The following UNC93B1 variants were observed in gnomAD, a reference collection of about 807,000 sequenced individuals.
The protein encoded by UNC93B1 is unc-93B1 regulator of TLR signaling, also known as protein unc-93 homolog B1.
UNC93B1 carries 33 observed loss-of-function variants against 56.8 expected under a neutral mutation model. The observed-to-expected ratio is 0.58, with a 90% CI of 0.44 to 0.78. UNC93B1 has a LOEUF of 0.78. Among genes scored for constraint, UNC93B1 ranks in the 30% least tolerant of loss-of-function variants. UNC93B1 has a pLI of 0.00. For missense variants in UNC93B1, 673 were observed against 819.5 expected, an observed-to-expected ratio of 0.82 and a Z score of 2.18; for synonymous variants, 334 against 358.6, an observed-to-expected ratio of 0.93 and a Z score of 0.77.
At chr11:67,997,575 A>AC in intron 7 of UNC93B1, 100 bp downstream of exon 7, 1 of 1,566,128 alleles carries the variant, frequency 6.4e-7, no homozygotes, top group Non-Finnish European at 8.6e-7. Context: ...CCACAACCCG[A>AC]CCCAGGCCAT....
chr11:67,997,829 A>G (rs1422843964), intron 6 of UNC93B1, 30 bp from the exon 7 acceptor site: 2 of 1,596,118 alleles, frequency 1.3e-6, no homozygotes, highest in Non-Finnish European at 1.7e-6. Flanking sequence ...GGGCACCGTG[A>G]GCAGAGAGTA....
In UNC93B1 at chr11:67,998,391, A is replaced by C. The variant is rs746293143; in HGVS notation, c.749T>G (p.Leu250Arg). The C allele has an allele frequency of 6.2e-7, 1 of 1,613,986 alleles. No individual in the cohort carries two copies. Among genetic ancestry groups the C allele is most frequent in the Non-Finnish European group, 8.5e-7 (1 of 1,179,870 alleles). The change falls in exon 6 of 11, where the codon CTG becomes CGG. Residue 250 changes from leucine to arginine, a missense_variant. Leu to Arg is a moderately radical substitution (Grantham distance 102). Coordinates refer to ENST00000227471, the MANE Select transcript of UNC93B1 (RefSeq NM_030930.4). ...IYFLNHYLYD[L>R]NHTLYNVQSC... Reference sequence around the variant, plus strand: ...CTGCACATTGTACAGCGTGTGGTTCAGGTCATACAGGTAGTGGTTCAGGAA... The same window carrying C: ...CTGCACATTGTACAGCGTGTGGTTCCGGTCATACAGGTAGTGGTTCAGGAA...
rs570048787 is a variant in UNC93B1 at position 67,992,511 on chromosome 11, A to T, written c.1483-654T>A. On this transcript the variant is annotated intron_variant, in intron 10 of 10. Transcript: ENST00000227471. ...ACGCCACTACGCCCAGCTATTTTTTAAATTTTTTGTAGAGACAGGGTCTCC... is the reference window on the plus strand; with the variant it reads ...ACGCCACTACGCCCAGCTATTTTTTTAATTTTTTGTAGAGACAGGGTCTCC... Among the ~76,000 whole-genome samples the T allele has an allele frequency of 3.9e-5, 6 of 152,100 alleles. No individual in the cohort carries two copies. In the East Asian group the frequency reaches 9.7e-4, roughly 25 times the overall value.
At chr11:68,000,346 C>T (rs911953475) in intron 3 of UNC93B1, among the ~76,000 whole-genome samples, 2 of 152,230 alleles carry the variant, frequency 1.3e-5, no homozygotes, top group Non-Finnish European at 2.9e-5. Flanking sequence ...TGTGCATTCA[C>T]TGCTGGTGAG....
intron 3 of UNC93B1, among the ~76,000 whole-genome samples, chr11:68,001,691 TTA>T (rs1491306042): frequency 7.0e-6 from 1 of 142,582 alleles, no homozygotes; most frequent in Non-Finnish European, 1.5e-5. Flanking sequence ...AACACATAAT[TTA>T]AAAAAAAAAA....
At chr11:67,996,916 C>T in intron 7 of UNC93B1, 132 bp from the exon 8 acceptor site, 1 of 1,154,980 alleles carries the variant, frequency 8.7e-7, no homozygotes, top group Non-Finnish European at 1.2e-6. Context: ...ACCAGGGCCC[C>T]GCCCCTGAGA....
At chr11:67,996,518 A>G in intron 8 of UNC93B1, 84 bp downstream of exon 8, 1 of 1,451,230 alleles carries the variant, frequency 6.9e-7, no homozygotes, top group Non-Finnish European at 9.2e-7. Flanking sequence ...ATATGTAATT[A>G]AAAATTATTC....
Position 67,995,675 on chromosome 11 carries a change from C to A in UNC93B1, c.1299G>T (p.Trp433Cys), listed in dbSNP as rs758697732. ...AAAGGGCAGCTGCCACATAGAGGAT[C>A]CAGCTGTGTTGCAGGACCCGAGGCA... Reference protein sequence around the residue: ...APVPRVLQHSWILYVAAALWG... With the variant: ...APVPRVLQHSCILYVAAALWG... The change falls in exon 9 of 11, where the codon TGG (tryptophan) becomes TGT (cysteine). Residue 433 changes from tryptophan to cysteine, a missense_variant. Coordinates refer to ENST00000227471, the MANE Select transcript of UNC93B1 (RefSeq NM_030930.4). The A allele has an allele frequency of 3.2e-6, 5 of 1,538,872 alleles. No homozygotes were observed. The East Asian group carries it at 9.9e-5, about 31-fold the overall frequency.
chr11:67,998,740 A>G (rs1856994563), intron 5 of UNC93B1, among the ~76,000 whole-genome samples: 1 of 152,200 alleles, frequency 6.6e-6, no homozygotes, highest in Non-Finnish European at 1.5e-5. Context: ...TCTACAAAAA[A>G]TAAAAAATTA....
chr11:68,002,054 G>A (rs1216503533), intron 3 of UNC93B1, among the ~76,000 whole-genome samples: 3 of 151,972 alleles, frequency 2.0e-5, no homozygotes. Context: ...TAGGAGAATC[G>A]CTTGAGCCTG....
chr11:67,997,859 C>T, intron 6 of UNC93B1, 60 bp from the exon 7 acceptor site: 4 of 1,581,136 alleles, frequency 2.5e-6, no homozygotes, highest in Non-Finnish European at 3.4e-6. Context: ...GTCAATCCAG[C>T]CACCAGGGTG....
intron 10 of UNC93B1, among the ~76,000 whole-genome samples, chr11:67,993,423 G>A (rs1856882086): frequency 6.6e-6 from 1 of 152,250 alleles, no homozygotes; most frequent in Non-Finnish European, 1.5e-5. Context: ...TGGAGAACAA[G>A]GTACCAAACA....
rs1554985993 is a variant in UNC93B1 at position 67,999,664 on chromosome 11, A to G, written c.409T>C (p.Trp137Arg). The G allele has an allele frequency of 1.2e-6, 2 of 1,611,568 alleles. No individual in the cohort carries two copies. The highest frequency in any genetic ancestry group is 1.7e-6 in the Non-Finnish European group (2 of 1,179,024). ...ATGCCCACAGCGAGGAACATCATCC[A>G]CTTCGTTCCAAAAAACCTGCGGACA... ...PVLIRFFGTK[W>R]MMFLAVGIYA... is the part of the protein sequence containing the mutation. Residue 137 changes from tryptophan to arginine, a missense_variant, in exon 4 of 11, where the codon TGG becomes CGG. This residue lies in a region of UNC93B1 where 438 missense variants were observed against 465.9 expected (regional missense o/e 0.94). Transcript: ENST00000227471.
At chr11:67,996,394 C>A (rs1856947994) in intron 8 of UNC93B1, among the ~76,000 whole-genome samples, 1 of 152,048 alleles carries the variant, frequency 6.6e-6, no homozygotes, top group African/African-American at 2.4e-5. Flanking sequence ...GGGTGCTATC[C>A]CATTTCGATT....
chr11:67,995,708 C>T lies in UNC93B1; in HGVS notation c.1266G>A (p.Trp422Ter). 1 of 1,548,568 alleles carries T rather than the reference C, an allele frequency of 6.5e-7. No individual in the cohort carries two copies. The highest frequency in any genetic ancestry group is 8.7e-7 in the Non-Finnish European group (1 of 1,146,910). ...HLLLTFILFF[W>*]APVPRVLQHS... ...GTTGCAGGACCCGAGGCACAGGGGC[C>T]CAGAAAAAGAGGATGAAGGTGAGCA... The change falls in exon 9 of 11, where the codon TGG (tryptophan) becomes TGA (stop). Residue 422 changes from tryptophan to a stop codon, truncating the protein, a stop_gained. Coordinates refer to ENST00000227471, the MANE Select transcript of UNC93B1 (RefSeq NM_030930.4). LOFTEE classifies it high-confidence loss of function.
Position 67,991,226 on chromosome 11 carries a change from G to T in UNC93B1, c.*320C>A. 1 of 292,476 alleles carries T rather than the reference G, an allele frequency of 3.4e-6. No homozygotes were observed. The highest frequency in any genetic ancestry group is 6.3e-6 in the Non-Finnish European group (1 of 158,446). The allele number at this position is 292,476 out of a possible 1,614,324, so 18.1% of individuals were successfully genotyped here. On this transcript the variant is annotated 3_prime_UTR_variant, in exon 11 of 11. Coordinates refer to ENST00000227471, the MANE Select transcript of UNC93B1 (RefSeq NM_030930.4). ...CCGGGTCCGCGGCCGAGAGCTGTGGGGATCTGGAGCGGGCCGGGTCGCAAG... is the reference window on the plus strand; with the variant it reads ...CCGGGTCCGCGGCCGAGAGCTGTGGTGATCTGGAGCGGGCCGGGTCGCAAG...
rs780094017 is a variant in UNC93B1 at position 67,998,359 on chromosome 11, C to A, written c.781G>T (p.Gly261Cys). 1.2e-6 allele frequency: 2 copies of A among 1,613,896 alleles called. No individual in the cohort carries two copies. The highest frequency in any genetic ancestry group is 1.7e-6 in the Non-Finnish European group (2 of 1,179,832). The change falls in exon 6 of 11, where the codon GGC (glycine) becomes TGC (cysteine). Residue 261 changes from glycine to cysteine, a missense_variant and splice_region_variant. Transcript: ENST00000227471. ...TCCCCAACCCCCAACAAGGACTAAC[C>A]GCAGCTCTGCACATTGTACAGCGTG... ...NHTLYNVQSC[G>C]TNSHGILSGF...
At chr11:67,996,451 A>C in intron 8 of UNC93B1, 151 bp downstream of exon 8, 2 of 1,101,736 alleles carry the variant, frequency 1.8e-6, no homozygotes, top group Non-Finnish European at 2.5e-6. Context: ...GGACGGGGGT[A>C]AGAGAGGGAA....
At position 68,003,622 on chromosome 11, in the gene UNC93B1, G is replaced by C. The variant is rs1196848746; in HGVS notation, c.238+35C>G. ...TGTTTCCCGGGCCGGGCTGGGAGCG[G>C]GCGGGGCGGCCCCGGGTCCCCGAGC... On this transcript the variant is annotated intron_variant, in intron 2 of 10. Transcript: ENST00000227471. The surrounding 1 kb of genome is among the most constrained non-coding windows in gnomAD (Gnocchi z 4.4). 6.7e-7 allele frequency: 1 copy of C among 1,501,298 alleles called. No homozygotes were observed. Among genetic ancestry groups the C allele is most frequent in the Admixed American group, 2.1e-5 (1 of 48,296 alleles). 93.0% of individuals were successfully genotyped at this position (1,501,298 alleles called of 1,614,324 possible).
Sources: allele counts gnomAD v4.1 joint callset (sites outside exome capture counted in the v4.1 genomes callset), GRCh38; gene constraint gnomAD v4.1.1; regional missense constraint gnomAD v4.1.1; non-coding constraint Gnocchi (gnomAD v3.1); transcripts MANE v1.5; gene names NCBI Gene and HGNC (gene_info 2026-07-23, HGNC 2026-07-21).